NELL2: variants seen among roughly 807,000 people sequenced by gnomAD.
NELL2 encodes protein kinase C-binding protein NELL2.
In NELL2, 41 loss-of-function variants were observed where a neutral mutation model predicts 109.6. The observed-to-expected ratio is 0.37, with a 90% CI of 0.29 to 0.49. The LOEUF (loss-of-function observed/expected upper bound fraction) is 0.49. NELL2 is among the 20% of genes least tolerant of loss of function. NELL2 has a pLI of 0.98. For missense variants in NELL2, 900 were observed against 1,008.3 expected (o/e 0.89, Z 1.45); for synonymous variants, 355 against 344.7 (o/e 1.03, Z -0.33).
chr12:44,711,664 G>C (rs1405099322), intron 10 of NELL2, among the ~76,000 whole-genome samples: 1 of 151,914 alleles, frequency 6.6e-6, no homozygotes, highest in Non-Finnish European at 1.5e-5. Context: ...GGGTAATCCT[G>C]GAAAATTTTG....
chr12:44,875,552 T>C, intron 1 of NELL2, 199 bp from the exon 2 acceptor site: 8 of 1,613,706 alleles, frequency 5.0e-6, no homozygotes, highest in Non-Finnish European at 6.8e-6. Flanking sequence ...CCCAGTCCCG[T>C]TTCCATGACC....
At chr12:44,860,802 A>G (rs1252948626) in intron 2 of NELL2, among the ~76,000 whole-genome samples, 1 of 152,240 alleles carries the variant, frequency 6.6e-6, no homozygotes, top group Non-Finnish European at 1.5e-5. Context: ...TCTGGGGATT[A>G]GTATGTGGAC....
intron 1 of NELL2, among the ~76,000 whole-genome samples, chr12:44,885,626 T>TA: frequency 1.3e-5 from 2 of 151,968 alleles, no homozygotes; most frequent in East Asian, 3.9e-4. Context: ...TGAGTGAAAT[T>TA]AAAAAATACC....
chr12:44,765,732 A>AT (rs779538851), intron 9 of NELL2, among the ~76,000 whole-genome samples: 4 of 152,130 alleles, frequency 2.6e-5, no homozygotes, highest in Non-Finnish European at 5.9e-5. Context: ...TTCATGTGGT[A>AT]TTTTTTTATA....
At chr12:44,900,984 T>TCAAAACAAAA (rs140014427) in intron 1 of NELL2, among the ~76,000 whole-genome samples, 3,438 of 150,068 alleles carry the variant, frequency 0.023, 62 homozygotes, top group East Asian at 0.059. Flanking sequence ...TAAGAAACTG[T>TCAAAACAAAA]CAAAACAAAA....
intron 2 of NELL2, among the ~76,000 whole-genome samples, chr12:44,817,067 G>A (rs1249648961): frequency 6.6e-6 from 1 of 152,154 alleles, no homozygotes. Flanking sequence ...GTTTTCAATG[G>A]AAGAACTGGC....
intron 12 of NELL2, among the ~76,000 whole-genome samples, chr12:44,697,431 C>G (rs1949100639): frequency 6.6e-6 from 1 of 152,122 alleles, no homozygotes; most frequent in Non-Finnish European, 1.5e-5. Flanking sequence ...ATGGAGGAAA[C>G]TGGAGTATCC....
At chr12:44,848,544 C>T (rs1029209226) in intron 2 of NELL2, among the ~76,000 whole-genome samples, 1 of 152,108 alleles carries the variant, frequency 6.6e-6, no homozygotes, top group Non-Finnish European at 1.5e-5. Context: ...CTCTTCTTCC[C>T]CACCCCCATC....
intron 1 of NELL2, among the ~76,000 whole-genome samples, chr12:44,899,435 C>T (rs1336847720): frequency 1.3e-5 from 2 of 152,140 alleles, no homozygotes; most frequent in Non-Finnish European, 2.9e-5. Flanking sequence ...CCCTACAAGC[C>T]AGAAGAGAGT....
intron 13 of NELL2, among the ~76,000 whole-genome samples, chr12:44,643,439 T>A (rs1364486974): frequency 6.6e-6 from 1 of 152,068 alleles, no homozygotes; most frequent in African/African-American, 2.4e-5. Context: ...GCATTGCATG[T>A]GTAGAAAAAA....
chr12:44,560,188 G>A (rs1360210318), intron 15 of NELL2, among the ~76,000 whole-genome samples: 6 of 152,094 alleles, frequency 3.9e-5, no homozygotes, highest in African/African-American at 1.2e-4. Context: ...TTGTTGAGAC[G>A]GAAATTTATA....
intron 2 of NELL2, among the ~76,000 whole-genome samples, chr12:44,854,641 A>T (rs543766768): frequency 1.3e-4 from 20 of 148,878 alleles, no homozygotes; most frequent in Non-Finnish European, 2.5e-4. Context: ...TATTAGAGAC[A>T]TGTTTATTGG....
At chr12:44,907,472 T>C (rs956226815) in intron 1 of NELL2, among the ~76,000 whole-genome samples, 1 of 152,116 alleles carries the variant, frequency 6.6e-6, no homozygotes, top group African/African-American at 2.4e-5. Context: ...AAGATTGATA[T>C]TTGGCCTTTG....
chr12:44,706,273 C>CT (rs1937872405), intron 11 of NELL2, among the ~76,000 whole-genome samples: 2 of 152,116 alleles, frequency 1.3e-5, no homozygotes, highest in African/African-American at 4.8e-5. Flanking sequence ...ATTCATTCTT[C>CT]CAACAGATAA....
intron 1 of NELL2, among the ~76,000 whole-genome samples, chr12:44,907,330 CCAA>C (rs1945731018): frequency 6.6e-6 from 1 of 152,018 alleles, no homozygotes; most frequent in African/African-American, 2.4e-5. Flanking sequence ...TCTGGGCACT[CCAA>C]CATTAAAAGC....
chr12:44,801,272 T>TG (rs148925273), intron 3 of NELL2, among the ~76,000 whole-genome samples: 2,202 of 152,270 alleles, frequency 0.014, 51 homozygotes, highest in African/African-American at 0.05. Context: ...CAGTAGGTCA[T>TG]GTGATGCTGC....
At chr12:44,891,621 ATTTT>A (rs997779533) in intron 1 of NELL2, among the ~76,000 whole-genome samples, 1 of 147,418 alleles carries the variant, frequency 6.8e-6, no homozygotes, top group Non-Finnish European at 1.5e-5. Context: ...TGTAACACTG[ATTTT>A]TTTTCCTCCT....
intron 13 of NELL2, among the ~76,000 whole-genome samples, chr12:44,656,309 C>A (rs1947497511): frequency 7.3e-6 from 1 of 136,130 alleles, no homozygotes; most frequent in South Asian, 2.3e-4. Flanking sequence ...TCCAGAGTAA[C>A]CGTACATCAA....
At chr12:44,717,304 CTG>C (rs1379204003) in intron 9 of NELL2, among the ~76,000 whole-genome samples, 1 of 152,084 alleles carries the variant, frequency 6.6e-6, no homozygotes, top group Non-Finnish European at 1.5e-5. Flanking sequence ...TAAGAGAAGA[CTG>C]AGAGAGTAAC....
Sources: allele counts gnomAD v4.1 joint callset (sites outside exome capture counted in the v4.1 genomes callset), GRCh38; gene constraint gnomAD v4.1.1; transcripts MANE v1.5; gene names NCBI Gene and HGNC (gene_info 2026-07-23, HGNC 2026-07-21).